TAFA1: variants seen among roughly 807,000 people sequenced by gnomAD.
TAFA1 encodes chemokine-like protein TAFA-1.
In TAFA1, 4 loss-of-function variants were observed where a neutral mutation model predicts 18.5. That is an observed-to-expected ratio of 0.22 (90% confidence interval 0.11 to 0.49). The LOEUF (loss-of-function observed/expected upper bound fraction) is 0.49. Among genes scored for constraint, TAFA1 ranks in the 20% least tolerant of loss-of-function variants. TAFA1 has a pLI of 0.98. For missense variants in TAFA1, 147 were observed against 169.0 expected, an observed-to-expected ratio of 0.87 and a Z score of 0.72; for synonymous variants, 56 against 55.2, an observed-to-expected ratio of 1.01 and a Z score of -0.06.
chr3:68,230,750 G>A (rs2066861607), intron 2 of TAFA1, among the ~76,000 whole-genome samples: 1 of 152,046 alleles, frequency 6.6e-6, no homozygotes, highest in Non-Finnish European at 1.5e-5. Context: ...AGTGTATGAG[G>A]GTTCCTCTTT....
At chr3:68,076,144 A>T (rs1476187442) in intron 2 of TAFA1, among the ~76,000 whole-genome samples, 2 of 152,300 alleles carry the variant, frequency 1.3e-5, no homozygotes, top group African/African-American at 4.8e-5. Context: ...AGTTGAATGG[A>T]AAGGCAAAGA....
At chr3:68,185,565 G>T (rs764971675) in intron 2 of TAFA1, among the ~76,000 whole-genome samples, 1 of 151,758 alleles carries the variant, frequency 6.6e-6, no homozygotes, top group Non-Finnish European at 1.5e-5. Flanking sequence ...ACTTTGTATC[G>T]CTATGTAAAT....
intron 2 of TAFA1, among the ~76,000 whole-genome samples, chr3:68,184,710 T>G (rs1159409998): frequency 6.6e-6 from 1 of 152,142 alleles, no homozygotes; most frequent in Non-Finnish European, 1.5e-5. Context: ...GGTTAACTAC[T>G]CACTCATGTG....
At chr3:68,237,400 G>C (rs186560667) in intron 2 of TAFA1, among the ~76,000 whole-genome samples, 9 of 152,292 alleles carry the variant, frequency 5.9e-5, no homozygotes, top group African/African-American at 1.9e-4. Context: ...GAATTTGGAG[G>C]GGGTAGGGAG....
intron 2 of TAFA1, among the ~76,000 whole-genome samples, chr3:68,015,301 T>TG (rs1704547192): frequency 6.6e-6 from 1 of 151,578 alleles, no homozygotes; most frequent in Non-Finnish European, 1.5e-5. Flanking sequence ...CCTTTTTTTT[T>TG]TTGAGACGTA....
intron 2 of TAFA1, among the ~76,000 whole-genome samples, chr3:68,337,057 C>A (rs2068982451): frequency 6.6e-6 from 1 of 152,132 alleles, no homozygotes; most frequent in Non-Finnish European, 1.5e-5. Context: ...TGGAGTATTA[C>A]CCCCTTTTCC....
At chr3:68,519,451 A>T (rs1158978408) in intron 3 of TAFA1, among the ~76,000 whole-genome samples, 1 of 152,222 alleles carries the variant, frequency 6.6e-6, no homozygotes, top group African/African-American at 2.4e-5. Flanking sequence ...GGACAAAGCC[A>T]ATTGTTAATG....
At chr3:68,237,539 T>C (rs574323433) in intron 2 of TAFA1, among the ~76,000 whole-genome samples, 4 of 152,326 alleles carry the variant, frequency 2.6e-5, no homozygotes, top group Non-Finnish European at 4.4e-5. Flanking sequence ...AAGGCATGTA[T>C]GTATGAATTC....
chr3:68,517,025 C>T (rs1165194142), intron 3 of TAFA1, among the ~76,000 whole-genome samples: 5 of 152,268 alleles, frequency 3.3e-5, no homozygotes, highest in Middle Eastern at 3.4e-3. Flanking sequence ...CCGCCCACCT[C>T]GGCCTCCCAA....
intron 2 of TAFA1, among the ~76,000 whole-genome samples, chr3:68,275,382 C>G (rs6774420): frequency 0.57 from 86,184 of 151,904 alleles, 26,069 homozygotes; most frequent in East Asian, 0.79. Context: ...AATGTGTTCT[C>G]TTGAAGGTGC....
intron 2 of TAFA1, 58 bp from the exon 3 acceptor site, chr3:68,417,222 G>A (rs1408644957): frequency 4.0e-6 from 6 of 1,507,214 alleles, no homozygotes; most frequent in East Asian, 4.5e-5. Flanking sequence ...ACTCCCAGGG[G>A]CTCGAATAGT....
At chr3:68,448,417 T>C (rs2071508853) in intron 3 of TAFA1, among the ~76,000 whole-genome samples, 1 of 152,202 alleles carries the variant, frequency 6.6e-6, no homozygotes, top group African/African-American at 2.4e-5. Flanking sequence ...AGTTTTAAAA[T>C]AATGAAGAGC....
At chr3:68,240,433 G>A (rs1014720783) in intron 2 of TAFA1, among the ~76,000 whole-genome samples, 1 of 152,146 alleles carries the variant, frequency 6.6e-6, no homozygotes, top group Non-Finnish European at 1.5e-5. Context: ...CTCCATAGGA[G>A]CACAAACGAG....
rs138428461 is a variant in TAFA1, at chr3:68,074,234, C to G, written c.118+67490C>G. Among the ~76,000 whole-genome samples the G allele has an allele frequency of 1.6e-4, 24 of 152,218 alleles. No homozygotes were observed. The East Asian group carries it at 4.6e-3, about 29-fold the overall frequency. On this transcript the variant is annotated intron_variant, in intron 2 of 4. Coordinates refer to ENST00000478136, the MANE Select transcript of TAFA1 (RefSeq NM_213609.4). Reference sequence around the variant, plus strand: ...AGGAGGTGGAGCTCAGGGCTTAATGCGAGTGACAGGGAGCTGCTGTAAATA... The same window carrying G: ...AGGAGGTGGAGCTCAGGGCTTAATGGGAGTGACAGGGAGCTGCTGTAAATA...
In TAFA1 at chr3:68,544,774, T is replaced by G; in HGVS notation, c.*271T>G. The G allele has an allele frequency of 3.4e-6, 1 of 290,062 alleles. No homozygotes were observed. The highest frequency in any genetic ancestry group is 6.4e-6 in the Non-Finnish European group (1 of 155,540). The allele number at this position is 290,062 out of a possible 1,614,324, so 18.0% of individuals were successfully genotyped here. A position where few individuals can be genotyped will look rare whatever the true frequency, so the allele number is the denominator to read the frequency against. ...GAAGAACGATCAACTATCTTCTAATTTGAATCTATAGTTACTTTGTACCAT... is the reference window on the plus strand; with the variant it reads ...GAAGAACGATCAACTATCTTCTAATGTGAATCTATAGTTACTTTGTACCAT... On this transcript the variant is annotated 3_prime_UTR_variant, in exon 5 of 5. Transcript: ENST00000478136.
chr3:68,035,403 C>T (rs527391084), intron 2 of TAFA1, among the ~76,000 whole-genome samples: 5 of 152,106 alleles, frequency 3.3e-5, no homozygotes, highest in African/African-American at 4.8e-5. Flanking sequence ...TTAAAAAAGC[C>T]TCTCCATTTT....
chr3:68,177,226 CA>C (rs1272172848), intron 2 of TAFA1, among the ~76,000 whole-genome samples: 2 of 152,086 alleles, frequency 1.3e-5, no homozygotes, highest in African/African-American at 4.8e-5. Context: ...ATATTTCTGC[CA>C]AGTAGACACC....
Position 68,010,505 on chromosome 3 carries a change from G to A in TAFA1, c.118+3761G>A, listed in dbSNP as rs539086521. ...CGTTTTTGTGAGGCCGTGAATTTGT[G>A]ATCTGTCTTCTCAATGCAGTGGGTT... is the stretch of plus-strand genomic sequence containing the variant. On this transcript the variant is annotated intron_variant, in intron 2 of 4. Transcript: ENST00000478136. Among the ~76,000 whole-genome samples, 250 of 152,288 alleles carry A rather than the reference G, an allele frequency of 1.6e-3. 1 individual carries two copies. Among genetic ancestry groups the A allele is most frequent in the Non-Finnish European group, 2.7e-3 (186 of 68,026 alleles).
intron 4 of TAFA1, among the ~76,000 whole-genome samples, chr3:68,543,613 T>C (rs1392694618): frequency 2.0e-5 from 3 of 152,072 alleles, no homozygotes; most frequent in Non-Finnish European, 2.9e-5. Flanking sequence ...TAAATGGACT[T>C]CTACCTCTAG....
Sources: gnomAD v4.1 joint callset for allele counts (sites outside exome capture counted in the v4.1 genomes callset) on GRCh38, gnomAD v4.1.1 for gene constraint, MANE v1.5 for transcripts, NCBI Gene and HGNC (gene_info 2026-07-23, HGNC 2026-07-21) for gene names.